OLA1: variants seen among roughly 807,000 people sequenced by gnomAD.
OLA1 encodes the protein obg-like ATPase 1.
A neutral mutation model predicts 48.4 loss-of-function variants in OLA1; 14 were observed. The observed-to-expected ratio is 0.29, with a 90% CI of 0.19 to 0.45. The LOEUF is 0.45. Among genes scored for constraint, OLA1 ranks in the 20% least tolerant of loss-of-function variants. The pLI, the probability that OLA1 is intolerant of heterozygous loss-of-function variation, is 1.00. For missense variants in OLA1, 325 were observed against 467.1 expected (o/e 0.70, Z 2.80); for synonymous variants, 127 against 150.4 (o/e 0.84, Z 1.14).
intron 4 of OLA1, among the ~76,000 whole-genome samples, chr2:174,190,423 G>C (rs544559124): frequency 6.6e-6 from 1 of 151,984 alleles, no homozygotes; most frequent in Admixed American, 6.6e-5. Context: ...TGAGACTCAC[G>C]AAGCTTAAAT....
intron 4 of OLA1, among the ~76,000 whole-genome samples, chr2:174,222,574 C>T (rs1688530637): frequency 6.6e-6 from 1 of 152,142 alleles, no homozygotes; most frequent in South Asian, 2.1e-4. Flanking sequence ...TCCATAAGGA[C>T]TAGCTGATCT....
intron 7 of OLA1, among the ~76,000 whole-genome samples, chr2:174,092,945 C>G (rs1205886123): frequency 6.6e-6 from 1 of 152,206 alleles, no homozygotes; most frequent in Admixed American, 6.5e-5. Flanking sequence ...CGTCAAGCTA[C>G]TAACCACCTC....
At chr2:174,209,874 G>C (rs1391220052) in intron 4 of OLA1, among the ~76,000 whole-genome samples, 1 of 152,136 alleles carries the variant, frequency 6.6e-6, no homozygotes, top group African/African-American at 2.4e-5. Context: ...AGAATAACGT[G>C]AATGTTCTGT....
intron 4 of OLA1, among the ~76,000 whole-genome samples, chr2:174,163,754 ATATATATATATATATATATAT>A (rs1433001464): frequency 4.4e-5 from 2 of 45,444 alleles, no homozygotes; most frequent in African/African-American, 8.9e-5. Context: ...ATATATATAT[ATATATATATATATATATATAT>A]AAATAAATGT....
intron 7 of OLA1, among the ~76,000 whole-genome samples, chr2:174,091,781 G>A (rs1685117345): frequency 6.9e-6 from 1 of 144,006 alleles, no homozygotes; most frequent in Non-Finnish European, 1.5e-5. Context: ...GCTGAGGCAG[G>A]AGAATCGCTT....
chr2:174,081,018 A>AAT, intron 9 of OLA1, 134 bp downstream of exon 9: 1 of 702,306 alleles, frequency 1.4e-6, no homozygotes, highest in Non-Finnish European at 2.5e-6. Flanking sequence ...CAAATAATTA[A>AAT]AGTTATCCTG....
chr2:174,148,677 T>G (rs1309225950), intron 4 of OLA1, among the ~76,000 whole-genome samples: 1 of 152,146 alleles, frequency 6.6e-6, no homozygotes, highest in African/African-American at 2.4e-5. Context: ...TACCTTAACC[T>G]TCCCCACTTC....
intron 4 of OLA1, among the ~76,000 whole-genome samples, chr2:174,215,752 T>C (rs929678141): frequency 1.2e-4 from 19 of 152,176 alleles, no homozygotes; most frequent in African/African-American, 4.6e-4. Flanking sequence ...AAAAATGCCA[T>C]ATAAAATCAT....
At chr2:174,190,944 C>CAAAA (rs774971306) in intron 4 of OLA1, among the ~76,000 whole-genome samples, 418 of 32,692 alleles carry the variant, frequency 0.013, 30 homozygotes, top group African/African-American at 0.03. Context: ...GACTTCGTCT[C>CAAAA]AAAAAAAAAA....
intron 4 of OLA1, among the ~76,000 whole-genome samples, chr2:174,208,616 T>C (rs758506262): frequency 7.2e-5 from 11 of 152,154 alleles, no homozygotes; most frequent in Admixed American, 3.9e-4. Flanking sequence ...AGGAGTCAAA[T>C]TGAAAATTTT....
In OLA1 at chr2:174,154,282, C is replaced by T. The variant is rs1358482465; in HGVS notation, c.374-12282G>A. Among the ~76,000 whole-genome samples the T allele has an allele frequency of 2.6e-5, 4 of 152,144 alleles. No homozygotes were observed. In the East Asian group the frequency reaches 7.7e-4, roughly 29 times the overall value. On this transcript the variant is annotated intron_variant, in intron 4 of 10. Transcript: ENST00000284719. Reference sequence around the variant, plus strand: ...GCCATCTCGCTATTTTCTTAACTTACAAAACATCACTTAGCCTTCTGCCTG... The same window carrying T: ...GCCATCTCGCTATTTTCTTAACTTATAAAACATCACTTAGCCTTCTGCCTG...
chr2:174,113,521 G>A (rs1404959023), intron 7 of OLA1, among the ~76,000 whole-genome samples: 2 of 151,984 alleles, frequency 1.3e-5, no homozygotes, highest in Admixed American at 1.3e-4. Flanking sequence ...TCTTAACAAT[G>A]TTATTAAATA....
At chr2:174,179,319 G>A (rs762716212) in intron 4 of OLA1, among the ~76,000 whole-genome samples, 1 of 151,738 alleles carries the variant, frequency 6.6e-6, no homozygotes, top group Non-Finnish European at 1.5e-5. Context: ...AAATAGAAAC[G>A]TCTCAAAATA....
chr2:174,156,864 C>T (rs908255479), intron 4 of OLA1, among the ~76,000 whole-genome samples: 3 of 151,998 alleles, frequency 2.0e-5, no homozygotes, highest in Non-Finnish European at 4.4e-5. Context: ...GGATTACAGG[C>T]ATGAGCCACC....
chr2:174,119,073 CA>C (rs1347321153), intron 7 of OLA1, among the ~76,000 whole-genome samples: 7 of 150,408 alleles, frequency 4.7e-5, no homozygotes, highest in African/African-American at 1.5e-4. Context: ...TATTCAAATG[CA>C]AAAGTACATT....
At chr2:174,198,437 G>C (rs1363938992) in intron 4 of OLA1, among the ~76,000 whole-genome samples, 2 of 152,142 alleles carry the variant, frequency 1.3e-5, no homozygotes, top group African/African-American at 4.8e-5. Flanking sequence ...ACTTAAAGCA[G>C]GGGTTCTTAA....
chr2:174,230,706 T>A (rs992888906), intron 2 of OLA1, among the ~76,000 whole-genome samples: 3 of 152,168 alleles, frequency 2.0e-5, no homozygotes, highest in African/African-American at 4.8e-5. Flanking sequence ...GAAAATTTTA[T>A]AAGACTAAAA....
At chr2:174,121,227 A>C (rs1474140170) in intron 7 of OLA1, among the ~76,000 whole-genome samples, 1 of 152,190 alleles carries the variant, frequency 6.6e-6, no homozygotes, top group African/African-American at 2.4e-5. Flanking sequence ...AGAGTGGCTG[A>C]ATGAAAGGAA....
chr2:174,170,042 A>G (rs1687258808), intron 4 of OLA1, among the ~76,000 whole-genome samples: 1 of 152,132 alleles, frequency 6.6e-6, no homozygotes, highest in Admixed American at 6.6e-5. Flanking sequence ...TAAACTGTAA[A>G]CTAACACGGT....
Sources: allele counts gnomAD v4.1 joint callset (sites outside exome capture counted in the v4.1 genomes callset), GRCh38; gene constraint gnomAD v4.1.1; transcripts MANE v1.5; gene names NCBI Gene and HGNC (gene_info 2026-07-23, HGNC 2026-07-21).